The following ARHGEF28 variants were observed in gnomAD, a reference collection of about 807,000 sequenced individuals.
The protein encoded by ARHGEF28 is Rho guanine nucleotide exchange factor 28.
Under a neutral mutation model 206.6 loss-of-function variants are expected in ARHGEF28, and 152 were observed. The ratio of observed to expected loss-of-function variants is 0.74; its 90% confidence interval spans 0.64 to 0.84. The LOEUF is 0.84. Among genes scored for constraint, ARHGEF28 ranks in the 40% least tolerant of loss-of-function variants. ARHGEF28 has a pLI of 0.00. For missense variants in ARHGEF28, 2,028 were observed against 2,073.2 expected (o/e 0.98, Z 0.42); for synonymous variants, 763 against 776.4 (o/e 0.98, Z 0.29).
chr5:73,712,375 G>A (rs758440828), intron 2 of ARHGEF28, among the ~76,000 whole-genome samples: 4 of 152,144 alleles, frequency 2.6e-5, no homozygotes, highest in Non-Finnish European at 5.9e-5. Context: ...AAATAATACT[G>A]TGATACTATA....
In ARHGEF28 at chr5:73,857,154, C is replaced by T. The variant is rs1023843754; in HGVS notation, c.1791-502C>T. Among the ~76,000 whole-genome samples the T allele has an allele frequency of 2.6e-5, 4 of 152,108 alleles. No homozygotes were observed. In the South Asian group the frequency reaches 8.3e-4, roughly 32 times the overall value. ...ACCGAGTGGCAGTCAGTCTGTTTCT[C>T]AGGCCGTATCAACAGAGGAAACACG... is the stretch of plus-strand genomic sequence containing the variant. On this transcript the variant is annotated intron_variant, in intron 14 of 35. Coordinates refer to ENST00000513042, the MANE Select transcript of ARHGEF28 (RefSeq NM_001177693.2).
intron 24 of ARHGEF28, among the ~76,000 whole-genome samples, chr5:73,884,916 G>A (rs759006012): frequency 5.3e-5 from 8 of 152,098 alleles, no homozygotes; most frequent in Non-Finnish European, 1.0e-4. Flanking sequence ...TGATTTGTCC[G>A]TTAGCACAGC....
At position 73,898,082 on chromosome 5, in the gene ARHGEF28, C is replaced by T. The variant is rs756479809; in HGVS notation, c.3962C>T (p.Ser1321Leu). The change falls in exon 30 of 36, where the codon TCA becomes TTA. Residue 1321 changes from serine to leucine, a missense_variant. Physicochemically the swap from Ser to Leu is moderately radical, Grantham distance 145. This residue lies in a region of ARHGEF28 where 803 missense variants were observed against 768.0 expected (regional missense o/e 1.05). Coordinates refer to ENST00000513042, the MANE Select transcript of ARHGEF28 (RefSeq NM_001177693.2). ...DTLSSHDVPG[S>L]PTASLVTGGR... ...CTCAGTTCTCATGATGTACCAGGAT[C>T]ACCGACTGCCTGTAAGTGAAAATGC... is the stretch of plus-strand genomic sequence containing the variant. 9 of 1,611,762 alleles carry T rather than the reference C, an allele frequency of 5.6e-6. No homozygotes were observed. The highest frequency in any genetic ancestry group is 7.6e-6 in the Non-Finnish European group (9 of 1,178,980).
At chr5:73,894,270 A>G in intron 28 of ARHGEF28, 123 bp from the exon 29 acceptor site, 1 of 973,930 alleles carries the variant, frequency 1.0e-6, no homozygotes, top group Non-Finnish European at 1.5e-6. Flanking sequence ...CCCACTCATC[A>G]ACCTGGGTTT....
At chr5:73,742,836 A>C (rs2112380835) in intron 2 of ARHGEF28, among the ~76,000 whole-genome samples, 1 of 151,248 alleles carries the variant, frequency 6.6e-6, no homozygotes, top group Non-Finnish European at 1.5e-5. Context: ...GTCTCAAAAA[A>C]AAAAAAAAAA....
chr5:73,852,540 A>G (rs1561457225), intron 13 of ARHGEF28, 110 bp from the exon 14 acceptor site: 9 of 897,336 alleles, frequency 1.0e-5, no homozygotes, highest in Admixed American at 8.1e-5. Flanking sequence ...ATTATTTTCT[A>G]GCTGGTAGTG....
intron 4 of ARHGEF28, among the ~76,000 whole-genome samples, chr5:73,769,018 T>G (rs1008157835): frequency 6.6e-6 from 1 of 152,096 alleles, no homozygotes; most frequent in Non-Finnish European, 1.5e-5. Context: ...AAGAAGTGCC[T>G]TTTGCCTTCC....
chr5:73,647,010 T>C (rs1311991712), intron 1 of ARHGEF28, among the ~76,000 whole-genome samples: 3 of 152,188 alleles, frequency 2.0e-5, no homozygotes, highest in Non-Finnish European at 4.4e-5. Context: ...GTGGTGGGCA[T>C]ACCCCTTCCT....
chr5:73,756,375 A>C (rs1752310463), intron 4 of ARHGEF28, among the ~76,000 whole-genome samples: 1 of 152,250 alleles, frequency 6.6e-6, no homozygotes, highest in Non-Finnish European at 1.5e-5. Context: ...CATTGTAAGC[A>C]ATTCTTTGAA....
At chr5:73,744,973 C>T (rs1470268304) in intron 2 of ARHGEF28, among the ~76,000 whole-genome samples, 1 of 151,958 alleles carries the variant, frequency 6.6e-6, no homozygotes. Flanking sequence ...TTATGTTTTG[C>T]TAATAATTTT....
In ARHGEF28 at chr5:73,734,166, T is replaced by TA. The variant is rs989431715; in HGVS notation, c.34-15663dup. Among the ~76,000 whole-genome samples the TA allele has an allele frequency of 7.3e-5, 11 of 150,714 alleles. 1 individual carries two copies. Among genetic ancestry groups the TA allele is most frequent in the Admixed American group, 4.6e-4 (7 of 15,146 alleles). Reference sequence around the variant, plus strand: ...CATGGATCTAAACTATATAAGAGGGTAAAAAAAAGGATGGAAGGGGCATAA... The same window carrying TA: ...CATGGATCTAAACTATATAAGAGGGTAAAAAAAAAGGATGGAAGGGGCATAA... On this transcript the variant is annotated intron_variant, in intron 2 of 35. Transcript: ENST00000513042.
At chr5:73,641,191 GA>G (rs1744069293) in intron 1 of ARHGEF28, among the ~76,000 whole-genome samples, 1 of 152,120 alleles carries the variant, frequency 6.6e-6, no homozygotes, top group African/African-American at 2.4e-5. Flanking sequence ...CCTCTTTCAG[GA>G]AAAATGAGTT....
intron 21 of ARHGEF28, among the ~76,000 whole-genome samples, chr5:73,870,527 C>T (rs1760039633): frequency 6.6e-6 from 1 of 152,200 alleles, no homozygotes; most frequent in Non-Finnish European, 1.5e-5. Flanking sequence ...ATATTCCTTT[C>T]AAGTTTACTT....
chr5:73,741,676 T>C (rs28368476), intron 2 of ARHGEF28, among the ~76,000 whole-genome samples: 48,676 of 151,160 alleles, frequency 0.32, 8,208 homozygotes, highest in African/African-American at 0.42. Context: ...GCCTCAACCT[T>C]CCAAAATGCT....
At chr5:73,682,045 C>T (rs1747138693) in intron 1 of ARHGEF28, among the ~76,000 whole-genome samples, 1 of 152,160 alleles carries the variant, frequency 6.6e-6, no homozygotes, top group South Asian at 2.1e-4. Context: ...GATTGTGCTG[C>T]TGCATTCCAG....
chr5:73,818,913 C>T (rs2112533874), intron 9 of ARHGEF28, among the ~76,000 whole-genome samples: 2 of 152,214 alleles, frequency 1.3e-5, no homozygotes, highest in South Asian at 4.1e-4. Flanking sequence ...TAGGGAAGGA[C>T]AAATGATTAT....
chr5:73,791,231 T>C (rs914672913), intron 7 of ARHGEF28, among the ~76,000 whole-genome samples: 71 of 152,216 alleles, frequency 4.7e-4, no homozygotes, highest in Admixed American at 4.6e-3. Context: ...GAAATCGATC[T>C]GGTCCCAGCT....
chr5:73,798,536 A>C (rs535480777), intron 9 of ARHGEF28, among the ~76,000 whole-genome samples: 1 of 152,270 alleles, frequency 6.6e-6, no homozygotes, highest in East Asian at 1.9e-4. Flanking sequence ...TTATGGCCCC[A>C]TTCTCTGCAG....
intron 1 of ARHGEF28, among the ~76,000 whole-genome samples, chr5:73,665,966 A>T: frequency 6.6e-6 from 1 of 152,186 alleles, no homozygotes; most frequent in Non-Finnish European, 1.5e-5. Context: ...CAAAAGTTCA[A>T]AGTACAAACT....
Sources: allele counts gnomAD v4.1 joint callset (sites outside exome capture counted in the v4.1 genomes callset), GRCh38; gene constraint gnomAD v4.1.1; regional missense constraint gnomAD v4.1.1; transcripts MANE v1.5; gene names NCBI Gene and HGNC (gene_info 2026-07-23, HGNC 2026-07-21).